Variants in PPP1R15B observed in about 807,000 individuals in gnomAD.
PPP1R15B encodes protein phosphatase 1 regulatory subunit 15B.
Under a neutral mutation model 53.9 loss-of-function variants are expected in PPP1R15B, and 31 were observed. The ratio of observed to expected loss-of-function variants is 0.58; its 90% CI spans 0.43 to 0.78. The LOEUF (loss-of-function observed/expected upper bound fraction) is 0.78, where lower values mean the gene tolerates loss of function less well. Ranked by LOEUF, PPP1R15B falls within the 30% of genes least tolerant of loss-of-function variation. PPP1R15B has a pLI of 0.00. For synonymous variants in PPP1R15B, 345 were observed against 329.1 expected, an observed-to-expected ratio of 1.05 and a Z score of -0.52; for missense variants, 928 against 849.6, an observed-to-expected ratio of 1.09 and a Z score of -1.15.
downstream of PPP1R15B, among the ~76,000 whole-genome samples, chr1:204,399,846 T>G (rs140747897): frequency 6.6e-6 from 1 of 152,324 alleles, no homozygotes; most frequent in Non-Finnish European, 1.5e-5. Flanking sequence ...TAGTCTTTCA[T>G]GATAAAATGC....
Position 204,406,027 on chromosome 1 carries a change from T to C in PPP1R15B, c.*65A>G, listed in dbSNP as rs747588810. ...ATGTCAAAGGACAGCTGCCAAGATTTGTTTTTAAAAGACACCTCTCAGGTA... is the reference window on the plus strand; with the variant it reads ...ATGTCAAAGGACAGCTGCCAAGATTCGTTTTTAAAAGACACCTCTCAGGTA... On this transcript the variant is annotated 3_prime_UTR_variant, in exon 2 of 2. Coordinates refer to ENST00000367188, the MANE Select transcript of PPP1R15B (RefSeq NM_032833.5). The C allele has an allele frequency of 3.9e-6, 6 of 1,550,100 alleles. No homozygotes were observed. Among genetic ancestry groups the C allele is most frequent in the Non-Finnish European group, 5.2e-6 (6 of 1,149,966 alleles).
rs1277352821 is a variant in PPP1R15B, at chr1:204,404,093, T to A, written c.*1999A>T. 3 of 985,308 alleles carry A rather than the reference T, an allele frequency of 3.0e-6. No individual in the cohort carries two copies. The highest frequency in any genetic ancestry group is 3.6e-6 in the Non-Finnish European group (3 of 829,938). 61.0% of individuals were successfully genotyped at this position (985,308 alleles called of 1,614,324 possible). On this transcript the variant is annotated 3_prime_UTR_variant, in exon 2 of 2. Coordinates refer to ENST00000367188, the MANE Select transcript of PPP1R15B (RefSeq NM_032833.5). ...AATGCCTGTATGTTGTCAAAAGGCT[T>A]TTTTCAAGGCAAATGACGCCTGCTT...
rs2103443093 is a variant in PPP1R15B at position 204,404,753 on chromosome 1, C to T, written c.*1339G>A. On this transcript the variant is annotated 3_prime_UTR_variant, in exon 2 of 2. Transcript: ENST00000367188. Reference sequence around the variant, plus strand: ...CCTATTCTACTTATGTTTTCCATTACCTGTGACAGGAAGCACACGGAATGA... The same window carrying T: ...CCTATTCTACTTATGTTTTCCATTATCTGTGACAGGAAGCACACGGAATGA... The T allele has an allele frequency of 1.0e-6, 1 of 985,788 alleles. No homozygotes were observed. Among genetic ancestry groups the T allele is most frequent in the Admixed American group, 6.1e-5 (1 of 16,282 alleles). 61.1% of individuals were successfully genotyped at this position (985,788 alleles called of 1,614,324 possible).
chr1:204,410,476 A>G lies in PPP1R15B; in HGVS notation c.936T>C (p.Asp312=). 5.0e-6 allele frequency: 8 copies of G among 1,614,062 alleles called. No individual in the cohort carries two copies. The highest frequency in any genetic ancestry group is 6.8e-6 in the Non-Finnish European group (8 of 1,180,008). Residue 312 remains aspartate (D), a synonymous_variant, in exon 1 of 2, where the codon GAT becomes GAC. Coordinates refer to ENST00000367188, the MANE Select transcript of PPP1R15B (RefSeq NM_032833.5). The part of the protein sequence containing the change: ...EFLQQASKGQ[D]LPTPDQDNGY... ...CATTATCCTGGTCAGGGGTGGGTAA[A>G]TCTTGCCCCTTGCTAGCCTGTTGAA...
chr1:204,400,232 G>C (rs530616132), downstream of PPP1R15B, among the ~76,000 whole-genome samples: 1 of 80,248 alleles, frequency 1.2e-5, no homozygotes, highest in Non-Finnish European at 2.8e-5. Flanking sequence ...GTGAGACACT[G>C]TCTCAAAAAA....
rs1338771091 is a variant in PPP1R15B, at chr1:204,410,203, T to C, written c.1209A>G (p.Val403=). The change falls in exon 1 of 2, where the codon GTA becomes GTG. Residue 403 remains valine (V), a synonymous_variant. Coordinates refer to ENST00000367188, the MANE Select transcript of PPP1R15B (RefSeq NM_032833.5). ...EKEPGEGRIS[V]VDYSYLEGDL... ...CACCTTCTAGGTATGAGTAATCAAC[T>C]ACACTTATTCGGCCCTCTCCAGGCT... 6 of 1,614,148 alleles carry C rather than the reference T, an allele frequency of 3.7e-6. No homozygotes were observed. Among genetic ancestry groups the C allele is most frequent in the Non-Finnish European group, 5.1e-6 (6 of 1,180,036 alleles).
chr1:204,402,120 T>TAG (rs1340141693), downstream of PPP1R15B, among the ~76,000 whole-genome samples: 2 of 152,218 alleles, frequency 1.3e-5, no homozygotes, highest in African/African-American at 2.4e-5. Context: ...AACCCCAAGA[T>TAG]AGAAATAAAA....
At position 204,409,507 on chromosome 1, in the gene PPP1R15B, A is replaced by T; in HGVS notation, c.1905T>A (p.His635Gln). The T allele has an allele frequency of 6.2e-7, 1 of 1,606,168 alleles. No individual in the cohort carries two copies. The highest frequency in any genetic ancestry group is 8.5e-7 in the Non-Finnish European group (1 of 1,177,036). ...RDVLSGGRHT[H>Q]VKRKKVTFLE... is the part of the protein sequence containing the mutation. ...AGAAACAAACCTTTTTTCTTTTGAC[A>T]TGTGTGTGTCTTCCTCCAGAAAGAA... The change falls in exon 1 of 2, where the codon CAT (histidine) becomes CAA (glutamine). Residue 635 changes from histidine to glutamine, a missense_variant. Transcript: ENST00000367188.
chr1:204,409,852 T>C lies in PPP1R15B; in HGVS notation c.1560A>G (p.Leu520=), dbSNP rs200618290. Residue 520 remains leucine, a synonymous_variant, in exon 1 of 2, where the codon CTA becomes CTG. Transcript: ENST00000367188. Reference sequence around the variant, plus strand: ...GGCTTCCAGACTGGGAGGAATTCTCTAGATCAGACTTGCCAGACAAATCCT... The same window carrying C: ...GGCTTCCAGACTGGGAGGAATTCTCCAGATCAGACTTGCCAGACAAATCCT... ...SEKDLSGKSD[L]ENSSQSGSLP... 7 of 1,614,042 alleles carry C rather than the reference T, an allele frequency of 4.3e-6. No homozygotes were observed. In the East Asian group the frequency reaches 8.9e-5, roughly 21 times the overall value.
chr1:204,408,888 C>T (rs1469602734), intron 1 of PPP1R15B, among the ~76,000 whole-genome samples: 1 of 152,158 alleles, frequency 6.6e-6, no homozygotes, highest in African/African-American at 2.4e-5. Flanking sequence ...AAAGGCAATA[C>T]CACTTCCTGT....
At position 204,409,710 on chromosome 1, in the gene PPP1R15B, G is replaced by A. The variant is rs1438837820; in HGVS notation, c.1702C>T (p.Pro568Ser). The A allele has an allele frequency of 1.7e-5, 28 of 1,613,924 alleles. No homozygotes were observed. Among genetic ancestry groups the A allele is most frequent in the Non-Finnish European group, 2.4e-5 (28 of 1,180,014 alleles). ...SFCNSDDPYN[P>S]LNFKAPFQTS... ...TGAAAAGGAGCCTTAAAATTTAAAG[G>A]GTTGTAGGGGTCATCAGAATTACAG... Residue 568 changes from proline to serine, a missense_variant, in exon 1 of 2, where the codon CCT becomes TCT. Pro to Ser is a moderately conservative substitution (Grantham distance 74). Coordinates refer to ENST00000367188, the MANE Select transcript of PPP1R15B (RefSeq NM_032833.5).
chr1:204,404,449 C>T lies in PPP1R15B; in HGVS notation c.*1643G>A. The T allele has an allele frequency of 3.8e-6, 3 of 798,286 alleles. No homozygotes were observed. The highest frequency in any genetic ancestry group is 4.5e-6 in the Non-Finnish European group (3 of 659,836). The allele number at this position is 798,286 out of a possible 1,614,324, so 49.5% of individuals were successfully genotyped here. A position where few individuals can be genotyped will look rare whatever the true frequency, so the allele number is the denominator to read the frequency against. ...GCAGTGAGCCGAGATCGCGCCACTG[C>T]ACTCCAAGCTGGGGGACCGAACGAG... On this transcript the variant is annotated 3_prime_UTR_variant, in exon 2 of 2. Transcript: ENST00000367188.
rs149785262 is a variant in PPP1R15B, at chr1:204,411,276, C to T, written c.136G>A (p.Gly46Arg). Residue 46 changes from glycine (G) to arginine (R), a missense_variant, in exon 1 of 2, where the codon GGG becomes AGG. Coordinates refer to ENST00000367188, the MANE Select transcript of PPP1R15B (RefSeq NM_032833.5). The part of the protein sequence containing the change: ...FPTPLGPENS[G>R]NPTLLSSAQP... ...GCAGAGGAAAGCAGTGTGGGGTTCC[C>T]GGAGTTTTCCGGGCCAAGAGGCGTC... is the stretch of plus-strand genomic sequence containing the variant. 3.2e-3 allele frequency: 5,161 copies of T among 1,614,220 alleles called. 11 individuals are homozygous for T. Among genetic ancestry groups the T allele is most frequent in the Middle Eastern group, 5.6e-3 (34 of 6,060 alleles).
intron 1 of PPP1R15B, among the ~76,000 whole-genome samples, chr1:204,408,824 TTATTAA>T (rs1317433295): frequency 3.3e-5 from 5 of 152,242 alleles, no homozygotes; most frequent in African/African-American, 1.2e-4. Context: ...TCACTGTTTA[TTATTAA>T]TATTAACCTG....
downstream of PPP1R15B, among the ~76,000 whole-genome samples, chr1:204,397,046 G>A (rs1363245028): frequency 6.6e-6 from 1 of 152,042 alleles, no homozygotes; most frequent in Non-Finnish European, 1.5e-5. Context: ...AAATTAGCCT[G>A]TTGTGGTGGT....
At position 204,409,929 on chromosome 1, in the gene PPP1R15B, T is replaced by C. The variant is rs765934957; in HGVS notation, c.1483A>G (p.Thr495Ala). 3.7e-6 allele frequency: 6 copies of C among 1,614,014 alleles called. No individual in the cohort carries two copies. In the African/African-American group the frequency reaches 4.0e-5, roughly 11 times the overall value. ...DPYNPQNFTA[T>A]IQTAARIVPE... ...ACAATTCTGGCAGCAGTCTGAATTG[T>C]TGCTGTAAAGTTCTGGGGATTATAA... The change falls in exon 1 of 2, where the codon ACA (threonine) becomes GCA (alanine). Residue 495 changes from threonine to alanine, a missense_variant. Transcript: ENST00000367188.
chr1:204,405,298 G>T lies in PPP1R15B; in HGVS notation c.*794C>A. 1 of 977,974 alleles carries T rather than the reference G, an allele frequency of 1.0e-6. No individual in the cohort carries two copies. Among genetic ancestry groups the T allele is most frequent in the Non-Finnish European group, 1.2e-6 (1 of 822,994 alleles). The allele number at this position is 977,974 out of a possible 1,614,324, so 60.6% of individuals were successfully genotyped here. ...TTGCAATAACTTCAACCTGTTAAGA[G>T]ATACAAAGAACTATATTAAACTGGG... On this transcript the variant is annotated 3_prime_UTR_variant, in exon 2 of 2. Coordinates refer to ENST00000367188, the MANE Select transcript of PPP1R15B (RefSeq NM_032833.5).
At chr1:204,401,758 A>G (rs1196004522), downstream of PPP1R15B, among the ~76,000 whole-genome samples, 1 of 152,100 alleles carries the variant, frequency 6.6e-6, no homozygotes, top group African/African-American at 2.4e-5. Context: ...CCATCTCTAC[A>G]AAAAACAGAA....
downstream of PPP1R15B, chr1:204,403,361 A>T: frequency 1.6e-6 from 1 of 626,008 alleles, no homozygotes; most frequent in Non-Finnish European, 2.0e-6. Context: ...ATATAATATA[A>T]AGTTGAACCA....
Sources: gnomAD v4.1 joint callset for allele counts (sites outside exome capture counted in the v4.1 genomes callset) on GRCh38, gnomAD v4.1.1 for gene constraint, MANE v1.5 for transcripts, NCBI Gene and HGNC (gene_info 2026-07-23, HGNC 2026-07-21) for gene names.